Variants in OGG1 observed in about 807,000 individuals in gnomAD.
OGG1 encodes 8-oxoguanine DNA glycosylase.
In OGG1, 35 loss-of-function variants were observed where a neutral mutation model predicts 42.3. The observed-to-expected ratio is 0.83, with a 90% confidence interval of 0.63 to 1.10. The LOEUF (loss-of-function observed/expected upper bound fraction) is 1.10. Ranked by LOEUF, OGG1 falls within the 50% of genes least tolerant of loss-of-function variation. OGG1 has a pLI of 0.00. For missense variants in OGG1, 484 were observed against 446.7 expected (o/e 1.08, Z -0.75); for synonymous variants, 189 against 179.0 (o/e 1.06, Z -0.44).
downstream of OGG1, chr3:9,757,493 C>G: frequency 6.2e-7 from 1 of 1,604,264 alleles, no homozygotes; most frequent in Non-Finnish European, 8.5e-7. This position sits in a 1 kb window ranked among gnomAD's most constrained non-coding sequence, Gnocchi z 4.5. Flanking sequence ...AGCAGGCTGC[C>G]CCCAAGCCCT....
chr3:9,752,091 C>T lies in OGG1; in HGVS notation c.565+142C>T, dbSNP rs2077329191. 2.2e-5 allele frequency: 16 copies of T among 736,584 alleles called. 1 individual carries two copies. The South Asian group carries it at 2.5e-4, about 12-fold the overall frequency. 45.6% of individuals were successfully genotyped at this position (736,584 alleles called of 1,614,324 possible). ...ACCGCCCTGCCTGGTCTGATCAACT[C>T]CAGTTACTCATCCTCCCTATGCATC... On this transcript the variant is annotated intron_variant, in intron 3 of 6. Coordinates refer to ENST00000344629, the MANE Select transcript of OGG1 (RefSeq NM_002542.6).
intron 3 of OGG1, chr3:9,783,015 G>C (rs1171898152): frequency 6.6e-6 from 1 of 152,148 alleles, no homozygotes; most frequent in Non-Finnish European, 1.5e-5. Context: ...CAAATGAATG[G>C]CAGGCACTGT....
intron 2 of OGG1, among the ~76,000 whole-genome samples, chr3:9,776,467 G>A (rs1475906287): frequency 7.0e-6 from 1 of 142,444 alleles, no homozygotes; most frequent in Non-Finnish European, 1.5e-5. Flanking sequence ...TCGGCTCACT[G>A]CAAGCTCCGC....
intron 4 of OGG1, 139 bp downstream of exon 4, chr3:9,755,024 T>C (rs2077473162): frequency 1.4e-6 from 1 of 714,100 alleles, no homozygotes; most frequent in Non-Finnish European, 2.4e-6. Context: ...GTAGATGTTT[T>C]ATGAGAGAAA....
intron 3 of OGG1, chr3:9,787,462 T>A: frequency 7.3e-7 from 1 of 1,374,896 alleles, no homozygotes; most frequent in South Asian, 1.5e-5. Flanking sequence ...AAGCCCAGTG[T>A]CAGGTGTAGG....
intron 4 of OGG1, among the ~76,000 whole-genome samples, chr3:9,756,212 G>A (rs996730414): frequency 1.3e-5 from 2 of 152,216 alleles, no homozygotes; most frequent in Non-Finnish European, 1.5e-5. Context: ...AGCTACTTGG[G>A]AGGCTGAGGT....
chr3:9,757,680 G>C, downstream of OGG1: 3 of 1,614,026 alleles, frequency 1.9e-6, no homozygotes, highest in Non-Finnish European at 2.5e-6. The surrounding 1 kb of genome is among the most constrained non-coding windows in gnomAD (Gnocchi z 4.5). Context: ...TCCAGCCCGG[G>C]TGCACCTTTG....
chr3:9,750,057 A>G lies in OGG1; in HGVS notation c.-230A>G. The G allele has an allele frequency of 3.4e-6, 2 of 596,060 alleles. No homozygotes were observed. Among genetic ancestry groups the G allele is most frequent in the Non-Finnish European group, 5.9e-6 (2 of 340,200 alleles). The allele number at this position is 596,060 out of a possible 1,614,324, so 36.9% of individuals were successfully genotyped here. ...AAGTCGCAAGGAGGGGGCGGGACCTACACCTCAGGAAAGCCGGAGAATTGG... is the reference window on the plus strand; with the variant it reads ...AAGTCGCAAGGAGGGGGCGGGACCTGCACCTCAGGAAAGCCGGAGAATTGG... On this transcript the variant is annotated 5_prime_UTR_variant, in exon 1 of 7. Transcript: ENST00000344629.
At position 9,750,018 on chromosome 3, in the gene OGG1, G is replaced by A; in HGVS notation, c.-269G>A. ...AGCTGTGCGCGCCCACAGGCTCTGG[G>A]GGCGGGAGAAGATAAGTCGCAAGGA... is the stretch of plus-strand genomic sequence containing the variant. On this transcript the variant is annotated 5_prime_UTR_variant, in exon 1 of 7. Transcript: ENST00000344629. 1 of 527,124 alleles carries A rather than the reference G, an allele frequency of 1.9e-6. No individual in the cohort carries two copies. The allele number at this position is 527,124 out of a possible 1,614,324, so 32.7% of individuals were successfully genotyped here. A position where few individuals can be genotyped will look rare whatever the true frequency, so the allele number is the denominator to read the frequency against.
downstream of OGG1, chr3:9,759,570 G>A: frequency 6.2e-7 from 1 of 1,614,134 alleles, no homozygotes; most frequent in African/African-American, 1.3e-5. Flanking sequence ...TGTATCTCCT[G>A]CAATCCTAGG....
At chr3:9,765,197 A>C (rs1239397030) in intron 7 of OGG1, among the ~76,000 whole-genome samples, 3 of 151,650 alleles carry the variant, frequency 2.0e-5, no homozygotes, top group Admixed American at 6.6e-5. Flanking sequence ...ACTGCACTCC[A>C]GCCGGGGCAA....
At chr3:9,768,413 T>G (rs531907119), downstream of OGG1, among the ~76,000 whole-genome samples, 1 of 152,328 alleles carries the variant, frequency 6.6e-6, no homozygotes, top group Non-Finnish European at 1.5e-5. Flanking sequence ...GCTCACTCTG[T>G]CCCTTCCTGG....
At chr3:9,767,514 A>G (rs918770068), downstream of OGG1, among the ~76,000 whole-genome samples, 1 of 152,242 alleles carries the variant, frequency 6.6e-6, no homozygotes, top group African/African-American at 2.4e-5. Flanking sequence ...ACTGTCATCC[A>G]GAAGTGAAAA....
chr3:9,769,250 C>T (rs532909836), downstream of OGG1, among the ~76,000 whole-genome samples: 1 of 152,108 alleles, frequency 6.6e-6, no homozygotes, highest in Admixed American at 6.5e-5. Context: ...CCCAGACACA[C>T]ACACACACAC....
chr3:9,761,858 A>G, downstream of OGG1: 18 of 1,505,570 alleles, frequency 1.2e-5, no homozygotes, highest in Non-Finnish European at 1.6e-5. Context: ...ATGGATCCCC[A>G]AAAGCCACTG....
At chr3:9,788,510 GC>G (rs1480297682), downstream of OGG1, among the ~76,000 whole-genome samples, 1 of 150,134 alleles carries the variant, frequency 6.7e-6, no homozygotes, top group Non-Finnish European at 1.5e-5. Flanking sequence ...CTCCCAAAGG[GC>G]TGGGATTACA....
rs2077218250 is a variant in OGG1, at chr3:9,749,981, C to G, written c.-306C>G. On this transcript the variant is annotated 5_prime_UTR_variant, in exon 1 of 7. Transcript: ENST00000344629. Reference sequence around the variant, plus strand: ...GTGCTGTGGTCTGCCCCTGGAGAACCCAGAAGAACACAGCTGTGCGCGCCC... The same window carrying G: ...GTGCTGTGGTCTGCCCCTGGAGAACGCAGAAGAACACAGCTGTGCGCGCCC... 2 of 427,238 alleles carry G rather than the reference C, an allele frequency of 4.7e-6. No homozygotes were observed. Among genetic ancestry groups the G allele is most frequent in the Admixed American group, 3.8e-5 (1 of 26,360 alleles). 26.5% of individuals were successfully genotyped at this position (427,238 alleles called of 1,614,324 possible).
intron 3 of OGG1, chr3:9,783,935 T>C: frequency 2.1e-6 from 3 of 1,451,428 alleles, no homozygotes; most frequent in East Asian, 5.1e-5. Context: ...CAGCCAGGAT[T>C]GGAAAGCCTG....
downstream of OGG1, chr3:9,759,873 G>GC (rs1288743175): frequency 1.3e-6 from 2 of 1,537,102 alleles, no homozygotes; most frequent in African/African-American, 2.7e-5. Context: ...ATCAGTCCAT[G>GC]CCCCACCCCA....
Sources: allele counts gnomAD v4.1 joint callset (sites outside exome capture counted in the v4.1 genomes callset), GRCh38; gene constraint gnomAD v4.1.1; non-coding constraint Gnocchi (gnomAD v3.1); transcripts MANE v1.5; gene names NCBI Gene and HGNC (gene_info 2026-07-23, HGNC 2026-07-21).